The following B3GALT1 variants were observed in gnomAD, a reference collection of about 807,000 sequenced individuals.
B3GALT1 encodes beta-1,3-galactosyltransferase 1.
In B3GALT1, 10 loss-of-function variants were observed where a neutral mutation model predicts 23.2. That is an observed-to-expected ratio of 0.43 (90% CI 0.27 to 0.73). B3GALT1 has a LOEUF of 0.73. B3GALT1 is among the 30% of genes least tolerant of loss of function. The probability of loss-of-function intolerance (pLI) is 0.21; values close to 1 mark genes in which losing one functional copy is unlikely to be tolerated. For missense variants in B3GALT1, 299 were observed against 405.4 expected, an observed-to-expected ratio of 0.74 and a Z score of 2.25; for synonymous variants, 156 against 141.5, an observed-to-expected ratio of 1.10 and a Z score of -0.73.
intron 3 of B3GALT1, among the ~76,000 whole-genome samples, chr2:167,789,901 G>A (rs1688404239): frequency 6.6e-6 from 1 of 152,126 alleles, no homozygotes; most frequent in Non-Finnish European, 1.5e-5. Context: ...AGAGAGAAGG[G>A]TGACCGTGCG....
chr2:167,396,447 CAAA>C (rs1698097268), intron 1 of B3GALT1, among the ~76,000 whole-genome samples: 1 of 150,904 alleles, frequency 6.6e-6, no homozygotes, highest in South Asian at 2.1e-4. Context: ...TTAGAACTCT[CAAA>C]AAAGTAATTT....
intron 1 of B3GALT1, among the ~76,000 whole-genome samples, chr2:167,349,745 T>C (rs952986415): frequency 5.3e-5 from 8 of 152,282 alleles, no homozygotes; most frequent in Admixed American, 2.6e-4. Flanking sequence ...CTCCATACTA[T>C]ACAGTTGCAG....
intron 3 of B3GALT1, among the ~76,000 whole-genome samples, chr2:167,688,029 T>C (rs1455001594): frequency 5.3e-5 from 8 of 152,146 alleles, no homozygotes; most frequent in Non-Finnish European, 1.0e-4. Flanking sequence ...AGCTGTGAAT[T>C]TTTTTCTTAT....
chr2:167,679,122 G>GTTTTTTTGTTTTTGTT (rs1553478340), intron 3 of B3GALT1, among the ~76,000 whole-genome samples: 167 of 145,050 alleles, frequency 1.2e-3, no homozygotes, highest in African/African-American at 4.1e-3. Flanking sequence ...TTTTGTTTTT[G>GTTTTTTTGTTTTTGTT]TTTTTTTTTT....
chr2:167,805,003 T>C (rs1164132289), intron 3 of B3GALT1, among the ~76,000 whole-genome samples: 3 of 152,230 alleles, frequency 2.0e-5, no homozygotes, highest in Non-Finnish European at 2.9e-5. Context: ...TTCCTGACTT[T>C]TTAATGATCA....
intron 4 of B3GALT1, among the ~76,000 whole-genome samples, chr2:167,852,467 G>GGTGTGTGTGTGTGT (rs66820655): frequency 8.2e-5 from 12 of 146,476 alleles, no homozygotes; most frequent in Non-Finnish European, 1.4e-4. Context: ...TATTCGTGAT[G>GGTGTGTGTGTGTGT]GTGTGTGTGT....
intron 1 of B3GALT1, among the ~76,000 whole-genome samples, chr2:167,402,044 C>T (rs1335830346): frequency 6.6e-6 from 1 of 152,048 alleles, no homozygotes; most frequent in Non-Finnish European, 1.5e-5. Flanking sequence ...TAAGAATGGA[C>T]TAGCTTTTAA....
intron 3 of B3GALT1, among the ~76,000 whole-genome samples, chr2:167,766,145 G>C (rs1291854485): frequency 6.6e-6 from 1 of 152,204 alleles, no homozygotes; most frequent in East Asian, 1.9e-4. Flanking sequence ...AAGGAAGAAA[G>C]AGTCACATGG....
In B3GALT1 at chr2:167,370,500, C is replaced by T. The variant is rs144532821; in HGVS notation, c.-511+77166C>T. Reference sequence around the variant, plus strand: ...TGCCCTCCAATCCAGCATACACAGACGCAGGCCCCATTTTGGTGACTCTGA... The same window carrying T: ...TGCCCTCCAATCCAGCATACACAGATGCAGGCCCCATTTTGGTGACTCTGA... On this transcript the variant is annotated intron_variant, in intron 1 of 4. Transcript: ENST00000392690. Among the ~76,000 whole-genome samples, 522 of 152,262 alleles carry T rather than the reference C, an allele frequency of 3.4e-3. 1 individual carries two copies. Among genetic ancestry groups the T allele is most frequent in the African/African-American group, 9.5e-3 (394 of 41,552 alleles).
At chr2:167,713,671 G>A (rs1687097071) in intron 3 of B3GALT1, 1 of 1,403,914 alleles carries the variant, frequency 7.1e-7, no homozygotes, top group Non-Finnish European at 9.9e-7. Flanking sequence ...TTCTTGCTGT[G>A]GTTCTGGATG....
intron 2 of B3GALT1, among the ~76,000 whole-genome samples, chr2:167,556,628 G>T (rs993547968): frequency 6.6e-6 from 1 of 152,108 alleles, no homozygotes; most frequent in African/African-American, 2.4e-5. Flanking sequence ...AAAATCTAGA[G>T]CTAAGACAAT....
At chr2:167,725,666 T>C (rs913284326) in intron 3 of B3GALT1, among the ~76,000 whole-genome samples, 3 of 152,156 alleles carry the variant, frequency 2.0e-5, no homozygotes, top group Non-Finnish European at 2.9e-5. Context: ...GACTGTCTAA[T>C]GGACTGAAAT....
At chr2:167,579,584 G>A (rs149315421) in intron 2 of B3GALT1, among the ~76,000 whole-genome samples, 110 of 151,874 alleles carry the variant, frequency 7.2e-4, no homozygotes, top group South Asian at 3.1e-3. Flanking sequence ...ATAACTGCTA[G>A]GTTAAAGTCC....
intron 2 of B3GALT1, among the ~76,000 whole-genome samples, chr2:167,553,533 C>A (rs987168388): frequency 2.0e-5 from 3 of 152,138 alleles, no homozygotes; most frequent in African/African-American, 4.8e-5. Context: ...TGCAGAATCC[C>A]ATGGCTGCAT....
chr2:167,754,527 C>G (rs1178885948), intron 3 of B3GALT1, among the ~76,000 whole-genome samples: 1 of 152,104 alleles, frequency 6.6e-6, no homozygotes, highest in East Asian at 1.9e-4. Context: ...ACTTTTGAAT[C>G]AGATTTCACA....
At chr2:167,564,108 G>A (rs1349204902) in intron 2 of B3GALT1, among the ~76,000 whole-genome samples, 1 of 151,504 alleles carries the variant, frequency 6.6e-6, no homozygotes, top group African/African-American at 2.4e-5. Context: ...CTCTCAGACG[G>A]GGCGGCTGCC....
intron 3 of B3GALT1, among the ~76,000 whole-genome samples, chr2:167,809,266 A>G (rs1300312689): frequency 6.6e-6 from 1 of 152,124 alleles, no homozygotes; most frequent in East Asian, 1.9e-4. Context: ...GATCGTCTGA[A>G]GCCTTCTTCT....
At chr2:167,407,913 A>T (rs1241831945) in intron 1 of B3GALT1, among the ~76,000 whole-genome samples, 1 of 152,080 alleles carries the variant, frequency 6.6e-6, no homozygotes, top group Non-Finnish European at 1.5e-5. Flanking sequence ...AGAAAAACTA[A>T]TGCCAATCCT....
Position 167,652,388 on chromosome 2 carries a change from T to C in B3GALT1, c.-352+5422T>C, listed in dbSNP as rs548716750. Among the ~76,000 whole-genome samples the C allele has an allele frequency of 1.3e-5, 2 of 152,318 alleles. 1 individual carries two copies. The highest frequency in any genetic ancestry group is 3.9e-4 in the East Asian group (2 of 5,170). On this transcript the variant is annotated intron_variant, in intron 3 of 4. Transcript: ENST00000392690. ...CCCACTGTGACATTTTGTAGCTCAC[T>C]GACCCTCTCTGAAACTTAGAAGTTT...
Sources: allele counts gnomAD v4.1 joint callset (sites outside exome capture counted in the v4.1 genomes callset), GRCh38; gene constraint gnomAD v4.1.1; transcripts MANE v1.5; gene names NCBI Gene and HGNC (gene_info 2026-07-23, HGNC 2026-07-21).